The following FSTL5 variants were observed in gnomAD, a reference collection of about 807,000 sequenced individuals.
FSTL5 encodes the protein follistatin-related protein 5.
FSTL5 carries 62 observed loss-of-function variants against 89.1 expected under a neutral mutation model. The ratio of observed to expected loss-of-function variants is 0.70; its 90% CI spans 0.57 to 0.86. The LOEUF is 0.86. Ranked by LOEUF, FSTL5 falls within the 40% of genes least tolerant of loss-of-function variation. The pLI is 0.00. For missense variants in FSTL5, 1,057 were observed against 1,001.6 expected (o/e 1.06, Z -0.75); for synonymous variants, 383 against 346.2 (o/e 1.11, Z -1.18).
intron 4 of FSTL5, among the ~76,000 whole-genome samples, chr4:161,815,371 G>A (rs1730291581): frequency 6.6e-6 from 1 of 151,886 alleles, no homozygotes; most frequent in South Asian, 2.1e-4. Flanking sequence ...TTTCATTGAT[G>A]AGATATATCC....
intron 4 of FSTL5, among the ~76,000 whole-genome samples, chr4:161,853,456 C>G (rs1456402802): frequency 1.3e-5 from 2 of 152,046 alleles, no homozygotes; most frequent in South Asian, 4.1e-4. Context: ...TTAGTAGGAA[C>G]AGGGTTTCAT....
At chr4:161,785,042 C>G (rs1345621273) in intron 4 of FSTL5, among the ~76,000 whole-genome samples, 1 of 152,008 alleles carries the variant, frequency 6.6e-6, no homozygotes, top group Non-Finnish European at 1.5e-5. Context: ...CTCATTTAAT[C>G]TTTATAATGA....
chr4:161,706,974 A>T (rs2126735672), intron 6 of FSTL5, among the ~76,000 whole-genome samples: 1 of 152,130 alleles, frequency 6.6e-6, no homozygotes, highest in Admixed American at 6.6e-5. Context: ...ACATATGTAG[A>T]ACTATTTGCT....
chr4:161,836,467 A>T (rs568863505), intron 4 of FSTL5, among the ~76,000 whole-genome samples: 1 of 152,044 alleles, frequency 6.6e-6, no homozygotes, highest in Non-Finnish European at 1.5e-5. Flanking sequence ...TAATAAAAAA[A>T]AAAAGAAAAG....
intron 3 of FSTL5, among the ~76,000 whole-genome samples, chr4:161,952,271 T>C (rs1470633547): frequency 6.6e-6 from 1 of 151,954 alleles, no homozygotes; most frequent in Non-Finnish European, 1.5e-5. Context: ...GATAGCTCTA[T>C]TTTTTACCTT....
At chr4:161,771,644 T>C (rs1741214438) in intron 5 of FSTL5, among the ~76,000 whole-genome samples, 1 of 152,126 alleles carries the variant, frequency 6.6e-6, no homozygotes, top group Non-Finnish European at 1.5e-5. Context: ...GTATGTTCCA[T>C]CTTAATCTTT....
chr4:162,014,909 A>T (rs560906914), intron 3 of FSTL5, among the ~76,000 whole-genome samples: 1 of 152,304 alleles, frequency 6.6e-6, no homozygotes, highest in Admixed American at 6.5e-5. Context: ...GTTCTTTTCC[A>T]TTATTGCATT....
intron 4 of FSTL5, among the ~76,000 whole-genome samples, chr4:161,884,710 T>C (rs1732744720): frequency 6.6e-6 from 1 of 152,202 alleles, no homozygotes; most frequent in Non-Finnish European, 1.5e-5. Context: ...CTTTAATTTA[T>C]AACTAATAAT....
chr4:162,152,465 G>T (rs1407032784), intron 1 of FSTL5, among the ~76,000 whole-genome samples: 2 of 152,064 alleles, frequency 1.3e-5, no homozygotes, highest in Admixed American at 6.6e-5. Flanking sequence ...ATTTTCTAAA[G>T]GTATAGATGT....
At chr4:161,588,041 G>A (rs2126607683) in intron 7 of FSTL5, among the ~76,000 whole-genome samples, 1 of 152,176 alleles carries the variant, frequency 6.6e-6, no homozygotes, top group South Asian at 2.1e-4. Context: ...GTGTGTGGTG[G>A]CACACACCTG....
chr4:161,849,850 A>G (rs1446748110), intron 4 of FSTL5, among the ~76,000 whole-genome samples: 3 of 152,152 alleles, frequency 2.0e-5, no homozygotes, highest in Non-Finnish European at 4.4e-5. Context: ...TTTAATGATT[A>G]TGAAATTGGT....
At chr4:161,594,279 G>C (rs148903812) in intron 7 of FSTL5, among the ~76,000 whole-genome samples, 1 of 152,058 alleles carries the variant, frequency 6.6e-6, no homozygotes, top group African/African-American at 2.4e-5. Flanking sequence ...GAATATATGT[G>C]AATGGCATTT....
At chr4:161,928,453 C>T (rs918772981) in intron 3 of FSTL5, among the ~76,000 whole-genome samples, 2 of 151,738 alleles carry the variant, frequency 1.3e-5, no homozygotes, top group East Asian at 1.9e-4. Flanking sequence ...TACTATAGAT[C>T]GGATGGCAAG....
chr4:161,991,691 T>C (rs1187861815), intron 3 of FSTL5, among the ~76,000 whole-genome samples: 2 of 152,118 alleles, frequency 1.3e-5, no homozygotes, highest in Non-Finnish European at 2.9e-5. Flanking sequence ...GGGCCAACTG[T>C]GGGACTTGAG....
chr4:161,590,947 A>G (rs894884697), intron 7 of FSTL5, among the ~76,000 whole-genome samples: 1 of 152,254 alleles, frequency 6.6e-6, no homozygotes, highest in African/African-American at 2.4e-5. Context: ...GCATAGCTGT[A>G]TACTATTGTA....
chr4:161,716,952 T>C (rs1579044117), intron 6 of FSTL5, among the ~76,000 whole-genome samples: 1 of 152,184 alleles, frequency 6.6e-6, no homozygotes, highest in Non-Finnish European at 1.5e-5. Flanking sequence ...AGATTCAATA[T>C]AGACTTAAAA....
intron 8 of FSTL5, among the ~76,000 whole-genome samples, 188 bp from the exon 9 acceptor site, chr4:161,542,881 T>C (rs1731880621): frequency 6.6e-6 from 1 of 152,032 alleles, no homozygotes; most frequent in Admixed American, 6.6e-5. Context: ...ATAAAAACTA[T>C]TCTGGGATTT....
intron 7 of FSTL5, among the ~76,000 whole-genome samples, chr4:161,639,438 T>A (rs934108260): frequency 6.6e-6 from 1 of 152,148 alleles, no homozygotes; most frequent in Non-Finnish European, 1.5e-5. Flanking sequence ...TACATTATCA[T>A]CTAAATATAT....
chr4:161,552,904 A>G (rs745384076), intron 8 of FSTL5, among the ~76,000 whole-genome samples: 5 of 151,686 alleles, frequency 3.3e-5, no homozygotes, highest in Non-Finnish European at 7.4e-5. Context: ...CCTCCACAGA[A>G]CATTTCAAAC....
Sources: gnomAD v4.1 joint callset for allele counts (sites outside exome capture counted in the v4.1 genomes callset) on GRCh38, gnomAD v4.1.1 for gene constraint, MANE v1.5 for transcripts, NCBI Gene and HGNC (gene_info 2026-07-23, HGNC 2026-07-21) for gene names.